Variants in KCNQ1OT1 observed in about 807,000 individuals in gnomAD.
The protein encoded by KCNQ1OT1 is KCNQ1 antisense RNA 2 (non-protein coding).
chr11:2,626,449 G>T lies in KCNQ1OT1; in HGVS notation n.73546C>A, dbSNP rs563957625. The T allele has an allele frequency of 7.5e-6, 3 of 398,530 alleles. No individual in the cohort carries two copies. The Admixed American group carries it at 1.3e-4, about 18-fold the overall frequency. 24.7% of individuals were successfully genotyped at this position (398,530 alleles called of 1,614,324 possible). ...CATGTATACAAGGGTTTATTTTTGG[G>T]CTCTCTATTCAATTCCATTGGTCTC... On this transcript the variant is annotated non_coding_transcript_exon_variant, in exon 1 of 1. Transcript: ENST00000597346. This position sits in a 1 kb window ranked among gnomAD's most constrained non-coding sequence, Gnocchi z 4.0.
Position 2,621,385 on chromosome 11 carries a change from T to C in KCNQ1OT1, n.78610A>G, listed in dbSNP as rs1162047897. The C allele has an allele frequency of 1.5e-5, 6 of 398,542 alleles. No individual in the cohort carries two copies. The highest frequency in any genetic ancestry group is 2.7e-5 in the Non-Finnish European group (6 of 226,078). The allele number at this position is 398,542 out of a possible 1,614,324, so 24.7% of individuals were successfully genotyped here. A position where few individuals can be genotyped will look rare whatever the true frequency, so the allele number is the denominator to read the frequency against. On this transcript the variant is annotated non_coding_transcript_exon_variant, in exon 1 of 1. Coordinates refer to ENST00000597346, the Ensembl canonical transcript of KCNQ1OT1. This position sits in a 1 kb window ranked among gnomAD's most constrained non-coding sequence, Gnocchi z 5.7. ...ATGTTCCTGTCCTTTGCCAATTCAA[T>C]TGGATTATTCGTTTTTTGCTTGTTG...
chr11:2,675,464 G>A (rs984737884), exon 1 of KCNQ1OT1: 7 of 398,506 alleles, frequency 1.8e-5, no homozygotes, highest in Non-Finnish European at 2.2e-5. Flanking sequence ...ATGGAAAAAA[G>A]TTACATAAAA....
rs1849182124 is a variant in KCNQ1OT1, at chr11:2,622,060, A to G, written n.77935T>C. 4 of 393,678 alleles carry G rather than the reference A, an allele frequency of 1.0e-5. No homozygotes were observed. The South Asian group carries it at 5.2e-4, about 51-fold the overall frequency. The allele number at this position is 393,678 out of a possible 1,614,324, so 24.4% of individuals were successfully genotyped here. On this transcript the variant is annotated non_coding_transcript_exon_variant, in exon 1 of 1. Coordinates refer to ENST00000597346, the Ensembl canonical transcript of KCNQ1OT1. ...TTTTGCTGCATGTTTTGCTTTTGGT[A>G]TGTTGTGTTCCCACTGTCATTTGTC...
chr11:2,629,384 A>G (rs1327893368), exon 1 of KCNQ1OT1: 1 of 398,356 alleles, frequency 2.5e-6, no homozygotes, highest in African/African-American at 2.1e-5. Flanking sequence ...TTCATATTAT[A>G]TCCAAATGAA....
rs1303496846 is a variant in KCNQ1OT1, at chr11:2,687,535, C to T, written n.12460G>A. On this transcript the variant is annotated non_coding_transcript_exon_variant, in exon 1 of 1. Coordinates refer to ENST00000597346, the Ensembl canonical transcript of KCNQ1OT1. This position sits in a 1 kb window ranked among gnomAD's most constrained non-coding sequence, Gnocchi z 5.0. ...CCAGCCTCCTCTGTATGGTCCCTTC[C>T]CTGGTGCACCTACCACAGCCCACTC... 1 of 398,590 alleles carries T rather than the reference C, an allele frequency of 2.5e-6. No homozygotes were observed. Among genetic ancestry groups the T allele is most frequent in the African/African-American group, 2.1e-5 (1 of 48,630 alleles). The allele number at this position is 398,590 out of a possible 1,614,324, so 24.7% of individuals were successfully genotyped here.
chr11:2,626,632 A>G lies in KCNQ1OT1; in HGVS notation n.73363T>C, dbSNP rs1039408883. On this transcript the variant is annotated non_coding_transcript_exon_variant, in exon 1 of 1. Transcript: ENST00000597346. This position sits in a 1 kb window ranked among gnomAD's most constrained non-coding sequence, Gnocchi z 4.0. Reference sequence around the variant, plus strand: ...CCACCTCAATCTCCCAGGCTCAAGCAATCCTCCCACCTCGGCTTCTTGAGT... The same window carrying G: ...CCACCTCAATCTCCCAGGCTCAAGCGATCCTCCCACCTCGGCTTCTTGAGT... 7.5e-6 allele frequency: 3 copies of G among 398,630 alleles called. No homozygotes were observed. Among genetic ancestry groups the G allele is most frequent in the African/African-American group, 4.1e-5 (2 of 48,742 alleles). 24.7% of individuals were successfully genotyped at this position (398,630 alleles called of 1,614,324 possible).
In KCNQ1OT1 at chr11:2,645,012, G is replaced by A. The variant is rs1849645076; in HGVS notation, n.54983C>T. 2.5e-6 allele frequency: 1 copy of A among 398,744 alleles called. No individual in the cohort carries two copies. The allele number at this position is 398,744 out of a possible 1,614,324, so 24.7% of individuals were successfully genotyped here. A position where few individuals can be genotyped will look rare whatever the true frequency, so the allele number is the denominator to read the frequency against. ...TGGTACCAGTGTTAGCAAGTCCAGG[G>A]AAACCAATTTTGGGCCTCCAGGCAA... On this transcript the variant is annotated non_coding_transcript_exon_variant, in exon 1 of 1. Transcript: ENST00000597346. This position sits in a 1 kb window ranked among gnomAD's most constrained non-coding sequence, Gnocchi z 5.8.
At position 2,654,394 on chromosome 11, in the gene KCNQ1OT1, C is replaced by T. The variant is rs926170712; in HGVS notation, n.45601G>A. ...GTGAAGTAGGCTGGCTCAGGGAACTCGCCTGTGCCAAACCCTGGGGAGACA... is the reference window on the plus strand; with the variant it reads ...GTGAAGTAGGCTGGCTCAGGGAACTTGCCTGTGCCAAACCCTGGGGAGACA... On this transcript the variant is annotated non_coding_transcript_exon_variant, in exon 1 of 1. Transcript: ENST00000597346. The surrounding 1 kb of genome is among the most constrained non-coding windows in gnomAD (Gnocchi z 6.4). 57 of 398,466 alleles carry T rather than the reference C, an allele frequency of 1.4e-4. No individual in the cohort carries two copies. Among genetic ancestry groups the T allele is most frequent in the Non-Finnish European group, 2.3e-4 (53 of 226,104 alleles). The allele number at this position is 398,466 out of a possible 1,614,324, so 24.7% of individuals were successfully genotyped here.
rs77224817 is a variant in KCNQ1OT1 at position 2,690,008 on chromosome 11, G to A, written n.9987C>T. On this transcript the variant is annotated non_coding_transcript_exon_variant, in exon 1 of 1. Coordinates refer to ENST00000597346, the Ensembl canonical transcript of KCNQ1OT1. The surrounding 1 kb of genome is among the most constrained non-coding windows in gnomAD (Gnocchi z 5.1). ...CTTTGCCCAAGCAGAGAACTGTTGA[G>A]GAAGGTGAGCCTTCCGAGGGCCAGC... 2 of 398,776 alleles carry A rather than the reference G, an allele frequency of 5.0e-6. No individual in the cohort carries two copies. The highest frequency in any genetic ancestry group is 8.8e-6 in the Non-Finnish European group (2 of 226,274). The allele number at this position is 398,776 out of a possible 1,614,324, so 24.7% of individuals were successfully genotyped here.
At chr11:2,649,018 TTG>T (rs1849716192) in exon 1 of KCNQ1OT1, 3 of 396,134 alleles carry the variant, frequency 7.6e-6, no homozygotes, top group Non-Finnish European at 1.3e-5. Context: ...TCAGTATTTT[TTG>T]TCTGTCTACT....
Position 2,679,049 on chromosome 11 carries a change from C to T in KCNQ1OT1, n.20946G>A, listed in dbSNP as rs1371366860. 7.5e-6 allele frequency: 3 copies of T among 398,532 alleles called. No homozygotes were observed. Among genetic ancestry groups the T allele is most frequent in the African/African-American group, 2.1e-5 (1 of 48,624 alleles). 24.7% of individuals were successfully genotyped at this position (398,532 alleles called of 1,614,324 possible). A position where few individuals can be genotyped will look rare whatever the true frequency, so the allele number is the denominator to read the frequency against. On this transcript the variant is annotated non_coding_transcript_exon_variant, in exon 1 of 1. Transcript: ENST00000597346. The surrounding 1 kb of genome is among the most constrained non-coding windows in gnomAD (Gnocchi z 4.8). ...CTTGTAGCCCAGCCCCTCCTCCATA[C>T]CAACCACCAAAAAAACCCACTAACA... is the stretch of plus-strand genomic sequence containing the variant.
rs1315589099 is a variant in KCNQ1OT1 at position 2,687,651 on chromosome 11, CT to C, written n.12343del. The stretch of plus-strand genomic sequence containing the variant: ...CTCAGGCCCCTGTAAAAATTGGGAC[CT>C]GTCCTTGCCAGCCAGGTCTCAGGGA... On this transcript the variant is annotated non_coding_transcript_exon_variant, in exon 1 of 1. Coordinates refer to ENST00000597346, the Ensembl canonical transcript of KCNQ1OT1. The surrounding 1 kb of genome is among the most constrained non-coding windows in gnomAD (Gnocchi z 5.0). 2 of 398,562 alleles carry C rather than the reference CT, an allele frequency of 5.0e-6. No homozygotes were observed. The highest frequency in any genetic ancestry group is 4.1e-5 in the African/African-American group (2 of 48,628). 24.7% of individuals were successfully genotyped at this position (398,562 alleles called of 1,614,324 possible). A position where few individuals can be genotyped will look rare whatever the true frequency, so the allele number is the denominator to read the frequency against.
Position 2,678,059 on chromosome 11 carries a change from G to C in KCNQ1OT1, n.21936C>G, listed in dbSNP as rs1045791418. ...TGTGAACTATTTCTTCATACCCTTT[G>C]GACTTTGTAAAATACCTTGTCTTAC... On this transcript the variant is annotated non_coding_transcript_exon_variant, in exon 1 of 1. Coordinates refer to ENST00000597346, the Ensembl canonical transcript of KCNQ1OT1. The surrounding 1 kb of genome is among the most constrained non-coding windows in gnomAD (Gnocchi z 4.9). 8.3e-5 allele frequency: 33 copies of C among 398,106 alleles called. No homozygotes were observed. The highest frequency in any genetic ancestry group is 1.3e-4 in the Non-Finnish European group (29 of 225,930). 24.7% of individuals were successfully genotyped at this position (398,106 alleles called of 1,614,324 possible). A position where few individuals can be genotyped will look rare whatever the true frequency, so the allele number is the denominator to read the frequency against.
exon 1 of KCNQ1OT1, chr11:2,636,670 G>C (rs1849471974): frequency 1.3e-5 from 2 of 152,040 alleles, no homozygotes; most frequent in Non-Finnish European, 2.9e-5. Context: ...TCTCTGCCAG[G>C]CTTTGGTATC....
exon 1 of KCNQ1OT1, chr11:2,638,935 A>G (rs1849524590): frequency 6.6e-6 from 1 of 151,956 alleles, no homozygotes; most frequent in African/African-American, 2.4e-5. Context: ...TTTTCTCTGA[A>G]CTTCTCTTCT....
Position 2,682,876 on chromosome 11 carries a change from G to T in KCNQ1OT1, n.17119C>A. 2.5e-6 allele frequency: 1 copy of T among 398,618 alleles called. No homozygotes were observed. The highest frequency in any genetic ancestry group is 1.3e-4 in the South Asian group (1 of 7,850). 24.7% of individuals were successfully genotyped at this position (398,618 alleles called of 1,614,324 possible). On this transcript the variant is annotated non_coding_transcript_exon_variant, in exon 1 of 1. Transcript: ENST00000597346. The surrounding 1 kb of genome is among the most constrained non-coding windows in gnomAD (Gnocchi z 5.8). ...TTGTAGACCAGGAAACTGAGGCTTG[G>T]GGATAGCAGATGTTCCCAGACAGAA... is the stretch of plus-strand genomic sequence containing the variant.
At chr11:2,665,642 C>G (rs1850054005) in exon 1 of KCNQ1OT1, 1 of 397,868 alleles carries the variant, frequency 2.5e-6, no homozygotes, top group Non-Finnish European at 4.4e-6. Flanking sequence ...CTTTGGCTCT[C>G]AAAGCCCTCA....
At position 2,674,412 on chromosome 11, in the gene KCNQ1OT1, C is replaced by T. The variant is rs1850251510; in HGVS notation, n.25583G>A. On this transcript the variant is annotated non_coding_transcript_exon_variant, in exon 1 of 1. Transcript: ENST00000597346. This position sits in a 1 kb window ranked among gnomAD's most constrained non-coding sequence, Gnocchi z 5.9. ...GCATGCGTGCGTGTGTGTGTGCGCG[C>T]CCGCGCGCACACGACCACAGAGGCT... The T allele has an allele frequency of 2.5e-6, 1 of 398,424 alleles. No homozygotes were observed. The highest frequency in any genetic ancestry group is 4.4e-6 in the Non-Finnish European group (1 of 226,026). The allele number at this position is 398,424 out of a possible 1,614,324, so 24.7% of individuals were successfully genotyped here.
Position 2,691,476 on chromosome 11 carries a change from T to C in KCNQ1OT1, n.8519A>G, listed in dbSNP as rs891236630. 1.0e-5 allele frequency: 4 copies of C among 398,400 alleles called. No individual in the cohort carries two copies. The Admixed American group carries it at 1.3e-4, about 13-fold the overall frequency. The allele number at this position is 398,400 out of a possible 1,614,324, so 24.7% of individuals were successfully genotyped here. On this transcript the variant is annotated non_coding_transcript_exon_variant, in exon 1 of 1. Coordinates refer to ENST00000597346, the Ensembl canonical transcript of KCNQ1OT1. This position sits in a 1 kb window ranked among gnomAD's most constrained non-coding sequence, Gnocchi z 6.4. ...CTGATGTTGACAGCCTCTTTGTTTT[T>C]TCATCTCAGCCTATTCAAGGCCATT...
Sources: gnomAD v4.1 joint callset for allele counts on GRCh38, gnomAD v4.1.1 for gene constraint, Gnocchi (gnomAD v3.1) non-coding constraint, MANE v1.5 for transcripts, NCBI Gene and HGNC (gene_info 2026-07-23, HGNC 2026-07-21) for gene names.